ESRRG: variants seen among roughly 807,000 people sequenced by gnomAD.
The protein encoded by ESRRG is estrogen-related receptor gamma.
ESRRG carries 13 observed loss-of-function variants against 44.0 expected under a neutral mutation model. That is an observed-to-expected ratio of 0.30 (90% CI 0.19 to 0.47). The LOEUF (loss-of-function observed/expected upper bound fraction) is 0.47. Ranked by LOEUF, ESRRG falls within the 20% of genes least tolerant of loss-of-function variation. The pLI, the probability that ESRRG is intolerant of heterozygous loss-of-function variation, is 1.00. For missense variants in ESRRG, 395 were observed against 580.6 expected, an observed-to-expected ratio of 0.68 and a Z score of 3.29; for synonymous variants, 215 against 214.6, an observed-to-expected ratio of 1.00 and a Z score of -0.02.
At chr1:217,085,930 C>A (rs1197756729) in intron 1 of ESRRG, among the ~76,000 whole-genome samples, 1 of 152,242 alleles carries the variant, frequency 6.6e-6, no homozygotes, top group Non-Finnish European at 1.5e-5. Flanking sequence ...GCAGTGCCAA[C>A]CTAAAAACTG....
At position 216,558,088 on chromosome 1, in the gene ESRRG, CCT is replaced by C. The variant is rs139645482; in HGVS notation, c.862+6129_862+6130del. Among the ~76,000 whole-genome samples, 897 of 152,182 alleles carry C rather than the reference CCT, an allele frequency of 5.9e-3. 5 individuals are homozygous for C. The highest frequency in any genetic ancestry group is 0.021 in the African/African-American group (864 of 41,546). On this transcript the variant is annotated intron_variant, in intron 5 of 6. Transcript: ENST00000408911. ...CAATGGCATGAGTGGTGAGGACAGGCCTCTCTGAGCATTTTTCACAACTTTGG... is the reference window on the plus strand; with the variant it reads ...CAATGGCATGAGTGGTGAGGACAGGCCTCTGAGCATTTTTCACAACTTTGG...
At position 216,874,561 on chromosome 1, in the gene ESRRG, A is replaced by G. The variant is rs536855875; in HGVS notation, c.-14+65021T>C. Among the ~76,000 whole-genome samples the G allele has an allele frequency of 3.3e-5, 5 of 152,320 alleles. No homozygotes were observed. The East Asian group carries it at 9.7e-4, about 29-fold the overall frequency. ...TTCTTCCTTCCATACAGAGGCAATC[A>G]GTAACTTGACCTTAAAGGTAACCAT... On this transcript the variant is annotated intron_variant, in intron 2 of 7. Coordinates refer to the ESRRG transcript ENST00000359162.
intron 1 of ESRRG, among the ~76,000 whole-genome samples, chr1:217,015,402 A>C (rs1301321700): frequency 6.6e-6 from 1 of 152,228 alleles, no homozygotes; most frequent in African/African-American, 2.4e-5. Context: ...TTAAACTCAT[A>C]GTTTAGACAA....
At chr1:216,607,219 C>T (rs1229777745) in intron 3 of ESRRG, among the ~76,000 whole-genome samples, 1 of 152,164 alleles carries the variant, frequency 6.6e-6, no homozygotes, top group East Asian at 1.9e-4. Flanking sequence ...ACCACAATCC[C>T]TACACCCCCA....
In ESRRG at chr1:217,033,174, C is replaced by A. The variant is rs577580942; in HGVS notation, c.-106+56333G>T. On this transcript the variant is annotated intron_variant, in intron 1 of 7. Transcript: ENST00000359162. ...GCTAAGGGAAATGTAGTGGCCGATG[C>A]CCAGGACAGAGGGAAGACACTGAAA... Among the ~76,000 whole-genome samples, 18 of 152,318 alleles carry A rather than the reference C, an allele frequency of 1.2e-4. 1 individual carries two copies. Among genetic ancestry groups the A allele is most frequent in the Admixed American group, 7.2e-4 (11 of 15,296 alleles).
intron 3 of ESRRG, among the ~76,000 whole-genome samples, chr1:216,572,399 C>T (rs904943577): frequency 2.6e-5 from 4 of 152,046 alleles, no homozygotes; most frequent in African/African-American, 9.7e-5. Flanking sequence ...GACAAAGCCT[C>T]TTTATTTGTG....
At chr1:216,833,226 A>G (rs78918592) in intron 2 of ESRRG, among the ~76,000 whole-genome samples, 5,140 of 152,280 alleles carry the variant, frequency 0.034, 95 homozygotes, top group Middle Eastern at 0.058. Context: ...TTCTAAAAAA[A>G]AACACCCAAT....
In ESRRG at chr1:216,984,998, T is replaced by C. The variant is rs2074627389; in HGVS notation, c.-105-45325A>G. On this transcript the variant is annotated intron_variant, in intron 1 of 7. Transcript: ENST00000359162. ...AGTGTATGTAAGTATTATTTCCTGT[T>C]ATTTCAATGGTTTCCTCACAGGCTA... is the stretch of plus-strand genomic sequence containing the variant. Among the ~76,000 whole-genome samples the C allele has an allele frequency of 2.6e-5, 4 of 152,338 alleles. No individual in the cohort carries two copies. In the South Asian group the frequency reaches 8.3e-4, roughly 32 times the overall value.
At chr1:216,969,967 C>T (rs1395006061) in intron 1 of ESRRG, among the ~76,000 whole-genome samples, 1 of 152,136 alleles carries the variant, frequency 6.6e-6, no homozygotes, top group Non-Finnish European at 1.5e-5. Flanking sequence ...CCTTTCATAA[C>T]TGAGGTGTGA....
chr1:216,946,684 C>T (rs2066105727), intron 1 of ESRRG, among the ~76,000 whole-genome samples: 1 of 146,504 alleles, frequency 6.8e-6, no homozygotes, highest in Admixed American at 6.8e-5. Flanking sequence ...ACACAGACCA[C>T]CCTCCCCCCA....
intron 1 of ESRRG, among the ~76,000 whole-genome samples, chr1:217,088,498 T>G (rs1558245560): frequency 6.7e-6 from 1 of 150,200 alleles, no homozygotes; most frequent in Non-Finnish European, 1.5e-5. Context: ...TTGCTTTCTG[T>G]GTGTGTCTGT....
At chr1:216,736,440 C>T (rs532643008) in intron 2 of ESRRG, among the ~76,000 whole-genome samples, 47 of 152,160 alleles carry the variant, frequency 3.1e-4, no homozygotes, top group Middle Eastern at 3.4e-3. Flanking sequence ...GCCTCGGCCT[C>T]CCAAAGTGCT....
At chr1:216,764,652 CT>C (rs1264441716) in intron 2 of ESRRG, among the ~76,000 whole-genome samples, 1 of 152,078 alleles carries the variant, frequency 6.6e-6, no homozygotes, top group Non-Finnish European at 1.5e-5. Flanking sequence ...TGTGTGCTGC[CT>C]CACTGGGACA....
intron 1 of ESRRG, among the ~76,000 whole-genome samples, chr1:217,014,252 A>T (rs2150829759): frequency 6.6e-6 from 1 of 152,226 alleles, no homozygotes; most frequent in South Asian, 2.1e-4. Context: ...GTTGACTGAC[A>T]GACAGGTTGC....
At chr1:216,631,901 A>C (rs891672323) in intron 3 of ESRRG, among the ~76,000 whole-genome samples, 1 of 152,140 alleles carries the variant, frequency 6.6e-6, no homozygotes, top group Non-Finnish European at 1.5e-5. Context: ...AAGGATTGGG[A>C]TGAGGAAGCA....
intron 2 of ESRRG, among the ~76,000 whole-genome samples, chr1:216,871,264 T>A (rs1300381276): frequency 6.6e-6 from 1 of 152,060 alleles, no homozygotes; most frequent in Non-Finnish European, 1.5e-5. Context: ...AAATGTGTTG[T>A]CAAATATTTG....
At chr1:216,592,604 G>A (rs374878057) in intron 3 of ESRRG, among the ~76,000 whole-genome samples, 8 of 151,856 alleles carry the variant, frequency 5.3e-5, no homozygotes, top group East Asian at 1.9e-4. Context: ...AGGTTCAAGC[G>A]ATTCTCCTGC....
chr1:216,770,905 CATTT>C (rs1243576429), intron 2 of ESRRG, among the ~76,000 whole-genome samples: 1 of 152,098 alleles, frequency 6.6e-6, no homozygotes, highest in Non-Finnish European at 1.5e-5. Flanking sequence ...TCCATTCATT[CATTT>C]ATTCATTCAT....
chr1:217,007,320 T>A (rs2077885242), intron 1 of ESRRG, among the ~76,000 whole-genome samples: 1 of 152,128 alleles, frequency 6.6e-6, no homozygotes, highest in Admixed American at 6.6e-5. Context: ...AGGCTAAAAT[T>A]TTAAAATATT....
Sources: gnomAD v4.1 joint callset for allele counts (sites outside exome capture counted in the v4.1 genomes callset) on GRCh38, gnomAD v4.1.1 for gene constraint, MANE v1.5 for transcripts, NCBI Gene and HGNC (gene_info 2026-07-23, HGNC 2026-07-21) for gene names.